Variants in CHRM2 observed in about 807,000 individuals in gnomAD.
The protein encoded by CHRM2 is cholinergic receptor muscarinic 2, also known as muscarinic acetylcholine receptor M2.
In CHRM2, 8 loss-of-function variants were observed where a neutral mutation model predicts 25.0. That is an observed-to-expected ratio of 0.32 (90% CI 0.19 to 0.58). CHRM2 has a LOEUF of 0.58. Among genes scored for constraint, CHRM2 ranks in the 20% least tolerant of loss-of-function variants. The pLI is 0.88. For missense variants in CHRM2, 440 were observed against 567.1 expected (o/e 0.78, Z 2.28); for synonymous variants, 202 against 205.7 (o/e 0.98, Z 0.15).
intron 2 of CHRM2, chr7:136,902,124 C>G (rs184579361): frequency 6.6e-6 from 1 of 152,118 alleles, no homozygotes; most frequent in East Asian, 1.9e-4. Context: ...AGCCTACTCT[C>G]AAAACAAAAT....
In CHRM2 at chr7:137,019,248, C is replaced by T. The variant is rs1805322155; in HGVS notation, c.*2982C>T. 1 of 151,850 alleles carries T rather than the reference C, an allele frequency of 6.6e-6. No homozygotes were observed. The highest frequency in any genetic ancestry group is 2.1e-4 in the South Asian group (1 of 4,826). 9.4% of individuals were successfully genotyped at this position (151,850 alleles called of 1,614,324 possible). A position where few individuals can be genotyped will look rare whatever the true frequency, so the allele number is the denominator to read the frequency against. ...TTAGAAAAAGGTAATACTCACCAAC[C>T]ATGTATCAGAAAAACTTTTCTCCTG... On this transcript the variant is annotated 3_prime_UTR_variant, in exon 4 of 4. Coordinates refer to ENST00000680005, the MANE Select transcript of CHRM2 (RefSeq NM_001006630.2).
intron 2 of CHRM2, among the ~76,000 whole-genome samples, chr7:136,888,524 GCAT>G (rs1796560698): frequency 6.6e-6 from 1 of 152,070 alleles, no homozygotes; most frequent in Non-Finnish European, 1.5e-5. Flanking sequence ...CCAATCATCA[GCAT>G]TCACCCTGTT....
At position 137,015,610 on chromosome 7, in the gene CHRM2, C is replaced by T. The variant is rs1805123086; in HGVS notation, c.745C>T (p.Pro249Ser). The change falls in exon 4 of 4, where the codon CCC (proline) becomes TCC (serine). Residue 249 changes from proline (P) to serine (S), a missense_variant. Around this residue, in one of 5 missense-constraint regions of CHRM2, gnomAD observed 261 missense variants for 261.8 expected, o/e 1.00. Coordinates refer to ENST00000680005, the MANE Select transcript of CHRM2 (RefSeq NM_001006630.2). This position sits in a 1 kb window ranked among gnomAD's most constrained non-coding sequence, Gnocchi z 5.1. ...AGTGAAGCCAAACAATAACAACATG[C>T]CCAGCAGTGACGATGGCCTGGAGCA... is the stretch of plus-strand genomic sequence containing the variant. The part of the protein sequence containing the change: ...RIVKPNNNNM[P>S]SSDDGLEHNK... 1.2e-6 allele frequency: 2 copies of T among 1,612,902 alleles called. No homozygotes were observed. The highest frequency in any genetic ancestry group is 1.7e-6 in the Non-Finnish European group (2 of 1,179,526).
At chr7:136,950,127 ATC>A (rs1441416713) in intron 2 of CHRM2, among the ~76,000 whole-genome samples, 1 of 151,992 alleles carries the variant, frequency 6.6e-6, no homozygotes, top group Non-Finnish European at 1.5e-5. Flanking sequence ...TAAACTAAAC[ATC>A]TCTTTTTTAT....
chr7:136,971,618 C>CAA lies in CHRM2; in HGVS notation c.-124-20551_-124-20550dup, dbSNP rs10708408. Among the ~76,000 whole-genome samples the CAA allele has an allele frequency of 1.0e-3, 96 of 92,886 alleles. 1 individual carries two copies. The highest frequency in any genetic ancestry group is 2.4e-3 in the African/African-American group (53 of 21,906). 60.9% of individuals were successfully genotyped at this position (92,886 alleles called of 152,430 possible). ...GGTGACAGAGTAAGACTCTGTTTCACAAAAAAAAAAAAAAAAAAAGACTTG... is the reference window on the plus strand; with the variant it reads ...GGTGACAGAGTAAGACTCTGTTTCACAAAAAAAAAAAAAAAAAAAAAGACTTG... On this transcript the variant is annotated intron_variant, in intron 2 of 3. Transcript: ENST00000680005.
At chr7:136,935,987 T>G (rs1321680227) in intron 2 of CHRM2, among the ~76,000 whole-genome samples, 1 of 152,188 alleles carries the variant, frequency 6.6e-6, no homozygotes, top group African/African-American at 2.4e-5. Context: ...TAACCCTTCC[T>G]CTACCTTTGG....
At chr7:136,945,077 T>A (rs988202505) in intron 2 of CHRM2, among the ~76,000 whole-genome samples, 23 of 152,122 alleles carry the variant, frequency 1.5e-4, no homozygotes, top group African/African-American at 5.3e-4. Flanking sequence ...ATGGGATTGT[T>A]TTTTGTTTTT....
intron 2 of CHRM2, among the ~76,000 whole-genome samples, chr7:136,915,340 T>C (rs1256250952): frequency 1.3e-5 from 2 of 151,934 alleles, no homozygotes; most frequent in Admixed American, 1.3e-4. Flanking sequence ...CACCATCAGA[T>C]TGTTACTGCA....
intron 2 of CHRM2, among the ~76,000 whole-genome samples, chr7:136,932,699 A>G (rs1011333810): frequency 1.3e-5 from 2 of 152,178 alleles, no homozygotes; most frequent in African/African-American, 4.8e-5. Flanking sequence ...CATTTTCTTG[A>G]CCTTGAGTTA....
At chr7:136,958,323 G>A (rs1373700187) in intron 2 of CHRM2, among the ~76,000 whole-genome samples, 2 of 152,094 alleles carry the variant, frequency 1.3e-5, no homozygotes, top group African/African-American at 4.8e-5. Context: ...TCTGGTACTT[G>A]CAGCTCTTTG....
intron 2 of CHRM2, among the ~76,000 whole-genome samples, chr7:136,914,965 C>T (rs1237487634): frequency 1.3e-5 from 2 of 151,752 alleles, no homozygotes; most frequent in East Asian, 1.9e-4. Flanking sequence ...AATTGTGATC[C>T]TACAGTGCTA....
chr7:136,887,696 A>G (rs567383043), intron 2 of CHRM2, among the ~76,000 whole-genome samples: 2 of 152,200 alleles, frequency 1.3e-5, no homozygotes, highest in Non-Finnish European at 2.9e-5. Context: ...GAATTATTCC[A>G]TCTCCCTCCT....
chr7:136,906,795 G>C (rs184821609), intron 2 of CHRM2: 3 of 151,744 alleles, frequency 2.0e-5, no homozygotes, highest in East Asian at 3.9e-4. Flanking sequence ...AATTTTTCTA[G>C]AAACCGGGGT....
chr7:137,008,412 C>G (rs1211161182), intron 3 of CHRM2, among the ~76,000 whole-genome samples: 2 of 152,006 alleles, frequency 1.3e-5, no homozygotes, highest in African/African-American at 4.8e-5. Context: ...TTGTAATTCT[C>G]TAAAGACATT....
intron 2 of CHRM2, among the ~76,000 whole-genome samples, chr7:136,960,433 G>T (rs773592036): frequency 2.0e-5 from 3 of 152,194 alleles, no homozygotes; most frequent in Non-Finnish European, 2.9e-5. Context: ...AACAAACGTG[G>T]CTAAGCCAGA....
In CHRM2 at chr7:137,001,073, T is replaced by C. The variant is rs564906065; in HGVS notation, c.-47+8809T>C. On this transcript the variant is annotated intron_variant, in intron 3 of 3. Transcript: ENST00000680005. ...TATTCAAGAGGCTTCCAATCTACAT[T>C]TTAAAGCACAGCTTGGAAATCTGAG... 2.0e-5 allele frequency among the ~76,000 whole-genome samples: 3 copies of C among 152,262 alleles called. No individual in the cohort carries two copies. The South Asian group carries it at 6.2e-4, about 32-fold the overall frequency.
At position 137,018,789 on chromosome 7, in the gene CHRM2, A is replaced by G. The variant is rs1232200946; in HGVS notation, c.*2523A>G. 1 of 151,954 alleles carries G rather than the reference A, an allele frequency of 6.6e-6. No individual in the cohort carries two copies. Among genetic ancestry groups the G allele is most frequent in the East Asian group, 1.9e-4 (1 of 5,140 alleles). 9.4% of individuals were successfully genotyped at this position (151,954 alleles called of 1,614,324 possible). On this transcript the variant is annotated 3_prime_UTR_variant, in exon 4 of 4. Transcript: ENST00000680005. ...TTGAAGATAGGCTGACACCATGGAA[A>G]CTACGTCAAACAGATAAGAAAAATG...
At chr7:136,920,712 C>T (rs186640457) in intron 2 of CHRM2, among the ~76,000 whole-genome samples, 170 of 152,240 alleles carry the variant, frequency 1.1e-3, no homozygotes, top group African/African-American at 3.9e-3. Flanking sequence ...CCTTAGATTC[C>T]TATCATTGTT....
chr7:136,916,916 C>A (rs17133376), intron 2 of CHRM2, among the ~76,000 whole-genome samples: 11,888 of 151,390 alleles, frequency 0.079, 626 homozygotes, highest in African/African-American at 0.14. Flanking sequence ...GAAACTTAGT[C>A]TCAGATCTCA....
Sources: allele counts gnomAD v4.1 joint callset (sites outside exome capture counted in the v4.1 genomes callset), GRCh38; gene constraint gnomAD v4.1.1; regional missense constraint gnomAD v4.1.1; non-coding constraint Gnocchi (gnomAD v3.1); transcripts MANE v1.5; gene names NCBI Gene and HGNC (gene_info 2026-07-23, HGNC 2026-07-21).